Variants in ARHGAP29 observed in about 807,000 individuals in gnomAD.
ARHGAP29 encodes Rho GTPase activating protein 29, also known as rho GTPase-activating protein 29.
In ARHGAP29, 43 loss-of-function variants were observed where a neutral mutation model predicts 122.6. The ratio of observed to expected loss-of-function variants is 0.35; its 90% CI spans 0.27 to 0.45. The LOEUF (loss-of-function observed/expected upper bound fraction) is 0.45, where lower values mean the gene tolerates loss of function less well. ARHGAP29 is among the 20% of genes least tolerant of loss of function. The pLI is 1.00. For missense variants in ARHGAP29, 1,303 were observed against 1,477.2 expected, an observed-to-expected ratio of 0.88 and a Z score of 1.93; for synonymous variants, 506 against 497.1, an observed-to-expected ratio of 1.02 and a Z score of -0.24.
At chr1:94,212,436 G>A (rs774526401) in intron 3 of ARHGAP29, among the ~76,000 whole-genome samples, 9 of 151,980 alleles carry the variant, frequency 5.9e-5, no homozygotes, top group Non-Finnish European at 1.3e-4. Flanking sequence ...CAATAAAGCT[G>A]TTTATAAAAA....
At chr1:94,302,143 C>A in the ARHGAP29 span, 1 of 274,926 alleles carries the variant, frequency 3.6e-6, no homozygotes, top group Admixed American at 3.9e-5. Flanking sequence ...CATCAATGAC[C>A]TCAACTACAT....
In ARHGAP29 at chr1:94,205,062, CAA is replaced by C. The variant is rs1218821827; in HGVS notation, c.694_695del (p.Leu232GlyfsTer6). On this transcript the variant is annotated frameshift_variant and splice_region_variant, in exon 7 of 23. Coordinates refer to ENST00000260526, the MANE Select transcript of ARHGAP29 (RefSeq NM_004815.4). LOFTEE classifies it high-confidence loss of function. ...IVSWVEKKLN[L>X]ELESTRNMVK... is the part of the protein sequence containing the mutation. ...CAGATGCTTTAAAAGGCAACTCACC[CAA>C]GTTAAGCTTTTTTTCAACCCATGAA... The C allele has an allele frequency of 6.4e-7, 1 of 1,554,410 alleles. No homozygotes were observed. The highest frequency in any genetic ancestry group is 8.6e-7 in the Non-Finnish European group (1 of 1,157,434).
At chr1:94,289,134 T>C in the ARHGAP29 span, among the ~76,000 whole-genome samples, 1 of 152,232 alleles carries the variant, frequency 6.6e-6, no homozygotes, top group South Asian at 2.1e-4. Context: ...TGGAATGTTC[T>C]TCCATTTGTT....
intron 2 of ARHGAP29, among the ~76,000 whole-genome samples, chr1:94,226,327 AAAAT>A (rs1652610100): frequency 6.6e-6 from 1 of 152,032 alleles, no homozygotes; most frequent in African/African-American, 2.4e-5. Flanking sequence ...CTGACATTTG[AAAAT>A]GCTTATTCTA....
chr1:94,303,117 C>T, the ARHGAP29 span: 3 of 153,464 alleles, frequency 2.0e-5, no homozygotes, highest in Non-Finnish European at 4.3e-5. Flanking sequence ...TCCTCCACCA[C>T]ACTGAGAATC....
chr1:94,308,063 G>A, the ARHGAP29 span, among the ~76,000 whole-genome samples: 1 of 152,072 alleles, frequency 6.6e-6, no homozygotes, highest in African/African-American at 2.4e-5. Flanking sequence ...CACGGGGCCT[G>A]GCACAAAGTA....
chr1:94,170,215 A>C lies in ARHGAP29; in HGVS notation c.*3654T>G, dbSNP rs897904232. On this transcript the variant is annotated 3_prime_UTR_variant, in exon 23 of 23. Transcript: ENST00000260526. ...ATATACTATCTGAACCAAGTGACCAAAATTAATACTATCAGGTATAAGACA... is the reference window on the plus strand; with the variant it reads ...ATATACTATCTGAACCAAGTGACCACAATTAATACTATCAGGTATAAGACA... Among the ~76,000 whole-genome samples, 3 of 152,232 alleles carry C rather than the reference A, an allele frequency of 2.0e-5. No individual in the cohort carries two copies. The highest frequency in any genetic ancestry group is 7.2e-5 in the African/African-American group (3 of 41,454).
chr1:94,194,781 C>T lies in ARHGAP29; in HGVS notation c.1282-4698G>A, dbSNP rs184194830. 3.2e-4 allele frequency: 49 copies of T among 152,260 alleles called. 1 individual carries two copies. The highest frequency in any genetic ancestry group is 3.1e-3 in the Admixed American group (48 of 15,294). The allele number at this position is 152,260 out of a possible 1,614,324, so 9.4% of individuals were successfully genotyped here. A position where few individuals can be genotyped will look rare whatever the true frequency, so the allele number is the denominator to read the frequency against. ...CTTAAACAGATAAATACCAAAGATT[C>T]AACCAAGATTGTGAGGTTCTAATGA... is the stretch of plus-strand genomic sequence containing the variant. On this transcript the variant is annotated intron_variant, in intron 12 of 22. Coordinates refer to ENST00000260526, the MANE Select transcript of ARHGAP29 (RefSeq NM_004815.4).
chr1:94,207,072 G>T (rs757232428), intron 5 of ARHGAP29, among the ~76,000 whole-genome samples: 1 of 144,748 alleles, frequency 6.9e-6, no homozygotes, highest in Non-Finnish European at 1.5e-5. Context: ...GCAGCGCCAC[G>T]ATCTTGGCTC....
the ARHGAP29 span, among the ~76,000 whole-genome samples, chr1:94,286,961 G>A: frequency 5.8e-4 from 89 of 152,166 alleles, no homozygotes; most frequent in Non-Finnish European, 1.2e-3. Context: ...ATAGCATTAC[G>A]ACACTATCAA....
chr1:94,198,422 G>GATC (rs1233221443), intron 12 of ARHGAP29, among the ~76,000 whole-genome samples: 2 of 152,094 alleles, frequency 1.3e-5, no homozygotes, highest in Non-Finnish European at 1.5e-5. Flanking sequence ...AGTGAGCTAT[G>GATC]ATCACACCAC....
rs1010174998 is a variant in ARHGAP29, at chr1:94,247,631, G to A, written c.-32-15988C>T. ...CACACCTACGGCCGCCGCCACCGCC[G>A]AGGGCTGGAGCTCGCCGCCCCCATC... On this transcript the variant is annotated intron_variant and NMD_transcript_variant, in intron 1 of 25. Transcript: ENST00000552844. Among the ~76,000 whole-genome samples, 28 of 151,674 alleles carry A rather than the reference G, an allele frequency of 1.8e-4. No homozygotes were observed. The East Asian group carries it at 4.8e-3, about 26-fold the overall frequency.
chr1:94,245,889 TG>T (rs1653777313), intron 1 of ARHGAP29, among the ~76,000 whole-genome samples: 1 of 152,182 alleles, frequency 6.6e-6, no homozygotes, highest in Non-Finnish European at 1.5e-5. Context: ...CCAAGAGCAG[TG>T]GCTATAAAAG....
intron 12 of ARHGAP29, chr1:94,190,298 A>T (rs1252734461): frequency 1.1e-5 from 5 of 439,002 alleles, no homozygotes; most frequent in Non-Finnish European, 1.9e-5. Context: ...AATCATTTCC[A>T]GCAAAACTGG....
chr1:94,236,146 C>T (rs1374317201), intron 1 of ARHGAP29, among the ~76,000 whole-genome samples: 2 of 152,190 alleles, frequency 1.3e-5, no homozygotes, highest in Admixed American at 1.3e-4. Context: ...TTTTAAAAAG[C>T]ACTCTCCACA....
intron 19 of ARHGAP29, among the ~76,000 whole-genome samples, chr1:94,181,613 C>T (rs550615666): frequency 6.6e-6 from 1 of 152,244 alleles, no homozygotes; most frequent in African/African-American, 2.4e-5. Context: ...GAACAGCCCA[C>T]CTAGATCACC....
chr1:94,293,134 C>A, the ARHGAP29 span, among the ~76,000 whole-genome samples: 1 of 152,236 alleles, frequency 6.6e-6, no homozygotes, highest in East Asian at 1.9e-4. Context: ...AGCTTCCCTG[C>A]CGCTTTGTTT....
At chr1:94,181,727 A>G (rs1345838635) in intron 19 of ARHGAP29, among the ~76,000 whole-genome samples, 2 of 152,176 alleles carry the variant, frequency 1.3e-5, no homozygotes, top group East Asian at 1.9e-4. Flanking sequence ...ATGGAGACGG[A>G]AATCAAAATG....
chr1:94,182,947 G>A (rs908114427), intron 19 of ARHGAP29, among the ~76,000 whole-genome samples: 1 of 152,118 alleles, frequency 6.6e-6, no homozygotes, highest in Admixed American at 6.6e-5. Context: ...TAAAAATCCA[G>A]TACAAAATTA....
Sources: allele counts gnomAD v4.1 joint callset (sites outside exome capture counted in the v4.1 genomes callset), GRCh38; gene constraint gnomAD v4.1.1; transcripts MANE v1.5; gene names NCBI Gene and HGNC (gene_info 2026-07-23, HGNC 2026-07-21).